Variants in FHIT observed in about 807,000 individuals in gnomAD.
FHIT encodes the protein bis(5'-adenosyl)-triphosphatase.
A neutral mutation model predicts 17.9 loss-of-function variants in FHIT; 19 were observed. That is an observed-to-expected ratio of 1.06 (90% CI 0.74 to 1.56). The LOEUF (loss-of-function observed/expected upper bound fraction) is 1.56. Among genes scored for constraint, FHIT ranks in the 40% most tolerant of loss-of-function variants. The pLI is 0.00. For missense variants in FHIT, 248 were observed against 189.2 expected, an observed-to-expected ratio of 1.31 and a Z score of -1.82; for synonymous variants, 81 against 69.7, an observed-to-expected ratio of 1.16 and a Z score of -0.81.
chr3:61,222,479 C>G (rs1170138810), intron 1 of FHIT, among the ~76,000 whole-genome samples: 1 of 152,190 alleles, frequency 6.6e-6, no homozygotes, highest in African/African-American at 2.4e-5. Flanking sequence ...GTCTGGGCAC[C>G]AGCGGCAAGA....
At chr3:60,086,937 G>C (rs145391007) in intron 5 of FHIT, among the ~76,000 whole-genome samples, 2 of 152,208 alleles carry the variant, frequency 1.3e-5, no homozygotes, top group African/African-American at 4.8e-5. Context: ...CCCTGATAGA[G>C]ATTCTGTGGT....
At chr3:60,701,961 T>G (rs2041257906) in intron 4 of FHIT, among the ~76,000 whole-genome samples, 1 of 152,212 alleles carries the variant, frequency 6.6e-6, no homozygotes, top group Admixed American at 6.5e-5. Flanking sequence ...AGGTCAGATC[T>G]CTTTCACTGT....
intron 4 of FHIT, among the ~76,000 whole-genome samples, chr3:60,693,106 A>T (rs960076398): frequency 2.2e-4 from 33 of 152,296 alleles, no homozygotes; most frequent in African/African-American, 7.2e-4. Context: ...TCTTTTTGGC[A>T]TATATCTTCT....
chr3:59,868,048 A>T (rs60841466), intron 8 of FHIT, among the ~76,000 whole-genome samples: 8,154 of 54,238 alleles, frequency 0.15, 224 homozygotes, highest in African/African-American at 0.24. Context: ...TTTTTTTTTT[A>T]AAAAAAAAAA....
chr3:60,713,163 G>GAA (rs2041586508), intron 4 of FHIT, among the ~76,000 whole-genome samples: 3 of 152,144 alleles, frequency 2.0e-5, no homozygotes, highest in Non-Finnish European at 2.9e-5. Context: ...TGAACAACCT[G>GAA]TTCCTGAATG....
At chr3:60,838,272 C>T (rs1039360906) in intron 3 of FHIT, among the ~76,000 whole-genome samples, 1 of 151,978 alleles carries the variant, frequency 6.6e-6, no homozygotes, top group African/African-American at 2.4e-5. Flanking sequence ...CAGGAGTTCG[C>T]GACGAACCTG....
chr3:60,198,893 T>C (rs1559720377), intron 5 of FHIT, among the ~76,000 whole-genome samples: 1 of 152,162 alleles, frequency 6.6e-6, no homozygotes, highest in Non-Finnish European at 1.5e-5. Flanking sequence ...TACAACAGTA[T>C]TACTGCAGAG....
chr3:60,302,225 G>A (rs1047973182), intron 5 of FHIT, among the ~76,000 whole-genome samples: 1 of 152,000 alleles, frequency 6.6e-6, no homozygotes, highest in Non-Finnish European at 1.5e-5. Context: ...AGAGTTCAAG[G>A]AAAGCTTGGT....
At position 60,063,989 on chromosome 3, in the gene FHIT, A is replaced by G. The variant is rs1420886010; in HGVS notation, c.104-49837T>C. Among the ~76,000 whole-genome samples the G allele has an allele frequency of 4.6e-5, 7 of 152,220 alleles. No individual in the cohort carries two copies. In the South Asian group the frequency reaches 6.2e-4, roughly 14 times the overall value. ...AATGTATATAATATGCCATTTAAGTAAAGATTTTAAAGGCTCCGTGTCGTT... is the reference window on the plus strand; with the variant it reads ...AATGTATATAATATGCCATTTAAGTGAAGATTTTAAAGGCTCCGTGTCGTT... On this transcript the variant is annotated intron_variant, in intron 5 of 9. Coordinates refer to ENST00000492590, the MANE Select transcript of FHIT (RefSeq NM_002012.4).
intron 3 of FHIT, among the ~76,000 whole-genome samples, chr3:60,945,033 G>T (rs558146377): frequency 5.7e-4 from 86 of 152,110 alleles, no homozygotes; most frequent in Non-Finnish European, 8.4e-4. Context: ...TCAGGGAGTC[G>T]TAAGTCTTGT....
At chr3:60,868,932 A>G (rs782276459) in intron 3 of FHIT, among the ~76,000 whole-genome samples, 45 of 152,122 alleles carry the variant, frequency 3.0e-4, no homozygotes, top group Non-Finnish European at 6.0e-4. Flanking sequence ...GGCTTCTGAG[A>G]AACTTAATTA....
chr3:59,778,784 G>A (rs2106869620), intron 8 of FHIT, among the ~76,000 whole-genome samples: 1 of 152,256 alleles, frequency 6.6e-6, no homozygotes, highest in Non-Finnish European at 1.5e-5. Flanking sequence ...AGGGTCTTGT[G>A]GAGAAAAACA....
intron 7 of FHIT, among the ~76,000 whole-genome samples, chr3:59,929,713 C>G (rs939464983): frequency 4.6e-5 from 7 of 152,034 alleles, no homozygotes; most frequent in Admixed American, 3.3e-4. Flanking sequence ...TTTCCATTTG[C>G]TGAATATCAA....
chr3:60,525,756 G>T (rs1001615869), intron 5 of FHIT, among the ~76,000 whole-genome samples: 1 of 152,130 alleles, frequency 6.6e-6, no homozygotes, highest in Admixed American at 6.5e-5. Flanking sequence ...CCATAGTGAG[G>T]CTAAGCTATG....
At chr3:60,453,414 C>A (rs1224419329) in intron 5 of FHIT, among the ~76,000 whole-genome samples, 1 of 152,164 alleles carries the variant, frequency 6.6e-6, no homozygotes, top group African/African-American at 2.4e-5. Context: ...GGGCTAAACT[C>A]ATTCATTCAT....
At chr3:60,679,512 T>G (rs144265116) in intron 4 of FHIT, among the ~76,000 whole-genome samples, 7 of 152,154 alleles carry the variant, frequency 4.6e-5, no homozygotes. Flanking sequence ...TCGGATTACA[T>G]AGCAATGCAA....
intron 4 of FHIT, among the ~76,000 whole-genome samples, chr3:60,702,871 GT>G (rs1553702547): frequency 6.6e-6 from 1 of 152,026 alleles, no homozygotes; most frequent in African/African-American, 2.4e-5. Flanking sequence ...TCCTTATTGT[GT>G]TTAACTTCCT....
chr3:60,613,817 G>A (rs988279323), intron 4 of FHIT, among the ~76,000 whole-genome samples: 6 of 152,054 alleles, frequency 3.9e-5, no homozygotes, highest in African/African-American at 1.4e-4. Flanking sequence ...TATCACACAG[G>A]TGTCTTGGAG....
At chr3:60,562,351 C>T (rs142425725) in intron 4 of FHIT, among the ~76,000 whole-genome samples, 11 of 152,232 alleles carry the variant, frequency 7.2e-5, no homozygotes, top group African/African-American at 1.9e-4. Flanking sequence ...GAAAAACATA[C>T]ATTGGGATAA....
Sources: gnomAD v4.1 joint callset for allele counts (sites outside exome capture counted in the v4.1 genomes callset) on GRCh38, gnomAD v4.1.1 for gene constraint, MANE v1.5 for transcripts, NCBI Gene and HGNC (gene_info 2026-07-23, HGNC 2026-07-21) for gene names.